ADGRV1: variants seen among roughly 807,000 people sequenced by gnomAD.
The protein encoded by ADGRV1 is adhesion G protein-coupled receptor V1, also known as G-protein coupled receptor 98.
A neutral mutation model predicts 596.2 loss-of-function variants in ADGRV1; 359 were observed. The observed-to-expected ratio is 0.60, with a 90% confidence interval of 0.55 to 0.66. The LOEUF (loss-of-function observed/expected upper bound fraction) is 0.66. Among genes scored for constraint, ADGRV1 ranks in the 30% least tolerant of loss-of-function variants. ADGRV1 has a pLI of 0.00. For missense variants in ADGRV1, 7,274 were observed against 7,575.6 expected, an observed-to-expected ratio of 0.96 and a Z score of 1.48; for synonymous variants, 2,681 against 2,679.2, an observed-to-expected ratio of 1.00 and a Z score of -0.02.
chr5:91,052,490 G>A (rs2151312551), intron 85 of ADGRV1, among the ~76,000 whole-genome samples: 1 of 149,570 alleles, frequency 6.7e-6, no homozygotes, highest in South Asian at 2.1e-4. Flanking sequence ...GGAGTGCAGT[G>A]GCACAGTGAT....
intron 89 of ADGRV1, among the ~76,000 whole-genome samples, chr5:91,158,864 GAT>G (rs1304246611): frequency 1.3e-5 from 2 of 151,130 alleles, no homozygotes; most frequent in African/African-American, 2.4e-5. Flanking sequence ...TGGATGGATG[GAT>G]GGATGGATGG....
rs13353969 is a variant in ADGRV1, at chr5:90,967,990, T to C, written c.17973+2459T>C. Among the ~76,000 whole-genome samples, 457 of 152,312 alleles carry C rather than the reference T, an allele frequency of 3.0e-3. 3 individuals are homozygous for C. The highest frequency in any genetic ancestry group is 0.011 in the African/African-American group (437 of 41,570). ...TTTTGGGACATAGCAACCACTCTCA[T>C]GGGTCGTGTTTCAGCAGGAACATTA... On this transcript the variant is annotated intron_variant, in intron 84 of 89. Transcript: ENST00000405460.
At chr5:90,615,388 C>T (rs1225361826) in intron 2 of ADGRV1, among the ~76,000 whole-genome samples, 12 of 151,508 alleles carry the variant, frequency 7.9e-5, no homozygotes, top group African/African-American at 1.2e-4. Context: ...AGTAGAGAAA[C>T]GACAATAGTA....
intron 1 of ADGRV1, among the ~76,000 whole-genome samples, chr5:90,612,633 G>A (rs1358544529): frequency 6.6e-6 from 1 of 151,958 alleles, no homozygotes; most frequent in African/African-American, 2.4e-5. Flanking sequence ...ATGTGTTAAT[G>A]TATATAAAGT....
intron 1 of ADGRV1, among the ~76,000 whole-genome samples, chr5:90,573,563 A>C (rs990841036): frequency 3.9e-5 from 6 of 152,204 alleles, no homozygotes; most frequent in Non-Finnish European, 7.4e-5. Flanking sequence ...GAAAAGGTGT[A>C]GTAAAAATAC....
intron 77 of ADGRV1, among the ~76,000 whole-genome samples, chr5:90,835,923 G>A (rs1443585727): frequency 6.6e-6 from 1 of 152,088 alleles, no homozygotes; most frequent in Non-Finnish European, 1.5e-5. Flanking sequence ...AAGGAAGAAA[G>A]AACACAATAA....
At chr5:90,911,676 T>G (rs1407523022) in intron 83 of ADGRV1, among the ~76,000 whole-genome samples, 1 of 152,230 alleles carries the variant, frequency 6.6e-6, no homozygotes, top group Non-Finnish European at 1.5e-5. Flanking sequence ...TTTGAAATTT[T>G]TAACTTTTAA....
At chr5:90,578,297 G>A (rs1387147939) in intron 1 of ADGRV1, among the ~76,000 whole-genome samples, 1 of 152,170 alleles carries the variant, frequency 6.6e-6, no homozygotes, top group African/African-American at 2.4e-5. Flanking sequence ...TCAATACCTA[G>A]TTTATTGAGA....
chr5:91,044,115 G>A (rs1306872970), intron 85 of ADGRV1, among the ~76,000 whole-genome samples: 1 of 151,998 alleles, frequency 6.6e-6, no homozygotes, highest in Non-Finnish European at 1.5e-5. Context: ...TTCTGTAGAT[G>A]CATGAATCTC....
chr5:90,574,358 G>C (rs375231191), intron 1 of ADGRV1, among the ~76,000 whole-genome samples: 1 of 152,076 alleles, frequency 6.6e-6, no homozygotes, highest in Middle Eastern at 3.4e-3. Flanking sequence ...CCCTTATAGA[G>C]ATCTTTCACC....
At chr5:91,067,142 ATTT>A (rs35645124) in intron 85 of ADGRV1, among the ~76,000 whole-genome samples, 7 of 130,380 alleles carry the variant, frequency 5.4e-5, no homozygotes, top group Admixed American at 1.6e-4. Context: ...TGCAAAGGAG[ATTT>A]TTTTTTTTTT....
intron 68 of ADGRV1, 77 bp downstream of exon 68, chr5:90,788,387 C>A: frequency 7.7e-7 from 1 of 1,298,754 alleles, no homozygotes; most frequent in Non-Finnish European, 1.0e-6. Flanking sequence ...TTTGTTGAAA[C>A]TCTATAAGCT....
At chr5:90,901,057 T>C (rs1771793956) in intron 83 of ADGRV1, among the ~76,000 whole-genome samples, 1 of 152,146 alleles carries the variant, frequency 6.6e-6, no homozygotes, top group Non-Finnish European at 1.5e-5. Flanking sequence ...TACTACCTTT[T>C]TCCTCAAGAG....
chr5:90,786,962 C>T lies in ADGRV1; in HGVS notation c.13654-1109C>T, dbSNP rs541571983. Among the ~76,000 whole-genome samples, 10 of 151,936 alleles carry T rather than the reference C, an allele frequency of 6.6e-5. No individual in the cohort carries two copies. The East Asian group carries it at 7.7e-4, about 12-fold the overall frequency. On this transcript the variant is annotated intron_variant, in intron 67 of 89. Coordinates refer to ENST00000405460, the MANE Select transcript of ADGRV1 (RefSeq NM_032119.4). ...TGACACATGGGGAGGTGTTTGAACA[C>T]GTGGGGCCTAAGGGGCATATCTGGA... is the stretch of plus-strand genomic sequence containing the variant.
chr5:90,893,520 A>G (rs765235709), intron 83 of ADGRV1, among the ~76,000 whole-genome samples: 2 of 152,166 alleles, frequency 1.3e-5, no homozygotes, highest in Non-Finnish European at 2.9e-5. Flanking sequence ...TTGGCTATAT[A>G]AAGTCAAACT....
At chr5:90,673,944 G>A (rs1358539398) in intron 22 of ADGRV1, 110 bp from the exon 23 acceptor site, 17 of 702,424 alleles carry the variant, frequency 2.4e-5, no homozygotes, top group Admixed American at 5.4e-5. Flanking sequence ...GAAATAAGTC[G>A]TAAGTGGTAA....
chr5:91,086,314 G>A (rs952344472), intron 86 of ADGRV1, among the ~76,000 whole-genome samples: 5 of 152,144 alleles, frequency 3.3e-5, no homozygotes, highest in Middle Eastern at 3.4e-3. Flanking sequence ...CTCTCTGATC[G>A]CTTGTCCTTA....
chr5:90,637,889 T>C lies in ADGRV1; in HGVS notation c.2181T>C (p.Ile727=), dbSNP rs370531439. Residue 727 remains isoleucine, a synonymous_variant, in exon 11 of 90, where the codon ATT becomes ATC. Transcript: ENST00000405460. ...GGCAAAGTGACACAACAATCAACAT[T>C]ACTATCAAAGGTGATGACATACCGG... ...LSGQSDTTIN[I]TIKGDDIPEM... 2 of 1,613,710 alleles carry C rather than the reference T, an allele frequency of 1.2e-6. No individual in the cohort carries two copies. The highest frequency in any genetic ancestry group is 3.3e-4 in the Middle Eastern group (2 of 6,058).
intron 11 of ADGRV1, among the ~76,000 whole-genome samples, chr5:90,639,561 A>G (rs1012529099): frequency 6.6e-6 from 1 of 152,152 alleles, no homozygotes; most frequent in Non-Finnish European, 1.5e-5. Context: ...AGTACATAGT[A>G]AAAAAAGTAC....
Sources: allele counts gnomAD v4.1 joint callset (sites outside exome capture counted in the v4.1 genomes callset), GRCh38; gene constraint gnomAD v4.1.1; transcripts MANE v1.5; gene names NCBI Gene and HGNC (gene_info 2026-07-23, HGNC 2026-07-21).